ATP23: variants seen among roughly 807,000 people sequenced by gnomAD.
The protein encoded by ATP23 is mitochondrial inner membrane protease ATP23 homolog.
A neutral mutation model predicts 28.5 loss-of-function variants in ATP23; 24 were observed. The ratio of observed to expected loss-of-function variants is 0.84; its 90% CI spans 0.61 to 1.18. The LOEUF (loss-of-function observed/expected upper bound fraction) is 1.18. Among genes scored for constraint, ATP23 ranks in the 50% most tolerant of loss-of-function variants. The pLI is 0.00. For synonymous variants in ATP23, 99 were observed against 108.6 expected (o/e 0.91, Z 0.55); for missense variants, 274 against 306.4 (o/e 0.89, Z 0.79).
chr12:57,947,210 T>A (rs990192252), intron 3 of ATP23, 134 bp downstream of exon 3: 4 of 753,402 alleles, frequency 5.3e-6, no homozygotes, highest in African/African-American at 1.8e-5. Flanking sequence ...TTATCCTTAC[T>A]CTAAGGAGTT....
intron 2 of ATP23, 133 bp downstream of exon 2, chr12:57,945,806 T>A: frequency 5.3e-6 from 4 of 750,758 alleles, no homozygotes; most frequent in Non-Finnish European, 9.0e-6. Context: ...ATAGAGGTAA[T>A]TGGCTGCATT....
rs1158562543 is a variant in ATP23 at position 57,956,758 on chromosome 12, G to A, written c.609G>A (p.Lys203=). ...ATATCAGCAAAGAAGTAGCTAAAAAGGCTGTTGATGAAGTTTTTGAATCTT... is the reference window on the plus strand; with the variant it reads ...ATATCAGCAAAGAAGTAGCTAAAAAAGCTGTTGATGAAGTTTTTGAATCTT... ...VRNISKEVAK[K]AVDEVFESCF... is the part of the protein sequence containing the mutation. Residue 203 remains lysine, a synonymous_variant, in exon 6 of 6, where the codon AAG becomes AAA. Transcript: ENST00000300145. 5.0e-6 allele frequency: 8 copies of A among 1,613,968 alleles called. No individual in the cohort carries two copies. Among genetic ancestry groups the A allele is most frequent in the Non-Finnish European group, 6.8e-6 (8 of 1,179,948 alleles).
At chr12:57,947,162 T>C in intron 3 of ATP23, 86 bp downstream of exon 3, 1 of 1,271,212 alleles carries the variant, frequency 7.9e-7, no homozygotes, top group Non-Finnish European at 1.1e-6. Context: ...CGGCATTCTG[T>C]TTGGTAGACT....
Position 57,958,827 on chromosome 12 carries a change from T to A in ATP23, c.*1937T>A, listed in dbSNP as rs1334154194. ...CCTGGTAATATGACAAAACAAAAGC[T>A]CTTTAACACCCACAAAAAAATCACA... is the stretch of plus-strand genomic sequence containing the variant. On this transcript the variant is annotated 3_prime_UTR_variant, in exon 6 of 6. Transcript: ENST00000300145. 1.3e-5 allele frequency among the ~76,000 whole-genome samples: 2 copies of A among 151,912 alleles called. No homozygotes were observed. The highest frequency in any genetic ancestry group is 1.3e-4 in the Admixed American group (2 of 15,260).
At position 57,941,726 on chromosome 12, in the gene ATP23, C is replaced by G. The variant is rs768074230; in HGVS notation, c.25C>G (p.Arg9Gly). The G allele has an allele frequency of 4.4e-6, 7 of 1,599,418 alleles. No homozygotes were observed. In the South Asian group the frequency reaches 6.7e-5, roughly 15 times the overall value. ...CATGGCGGGAGCTCCGGACGAGCGC[C>G]GGCGGGGCCCCGCGGCAGGGGAGCA... MAGAPDER[R>G]RGPAAGEQLQ... The change falls in exon 1 of 6, where the codon CGG becomes GGG. Residue 9 changes from arginine to glycine, a missense_variant. By Grantham distance (125) the Arg-to-Gly change is moderately radical. Coordinates refer to ENST00000300145, the MANE Select transcript of ATP23 (RefSeq NM_033276.4).
Position 57,956,735 on chromosome 12 carries a change from A to G in ATP23, c.586A>G (p.Ile196Val). The G allele has an allele frequency of 1.2e-6, 2 of 1,614,052 alleles. No homozygotes were observed. Among genetic ancestry groups the G allele is most frequent in the Non-Finnish European group, 1.7e-6 (2 of 1,179,972 alleles). Reference protein sequence around the residue: ...ATLSILAVRNISKEVAKKAVD... With the variant: ...ATLSILAVRNVSKEVAKKAVD... ...TCTTTCTATCCTGGCTGTTAGGAAT[A>G]TCAGCAAAGAAGTAGCTAAAAAGGC... is the stretch of plus-strand genomic sequence containing the variant. The change falls in exon 6 of 6, where the codon ATC (isoleucine) becomes GTC (valine). Residue 196 changes from isoleucine to valine, a missense_variant. Coordinates refer to ENST00000300145, the MANE Select transcript of ATP23 (RefSeq NM_033276.4).
chr12:57,942,671 C>T (rs1330258704), intron 1 of ATP23, among the ~76,000 whole-genome samples: 1 of 152,130 alleles, frequency 6.6e-6, no homozygotes, highest in Non-Finnish European at 1.5e-5. Context: ...GATCTGCCTG[C>T]CTCGGCCTCC....
chr12:57,953,238 A>G lies in ATP23; in HGVS notation c.454-368A>G, dbSNP rs149939708. Reference sequence around the variant, plus strand: ...TCTTGAAGTACTTTTGGCAATTTCTACAAGTATTTGTATCTTGTAGAGTGT... The same window carrying G: ...TCTTGAAGTACTTTTGGCAATTTCTGCAAGTATTTGTATCTTGTAGAGTGT... On this transcript the variant is annotated intron_variant, in intron 4 of 5. Coordinates refer to ENST00000300145, the MANE Select transcript of ATP23 (RefSeq NM_033276.4). Among the ~76,000 whole-genome samples the G allele has an allele frequency of 5.5e-3, 831 of 152,344 alleles. 8 individuals are homozygous for G. Among genetic ancestry groups the G allele is most frequent in the African/African-American group, 0.017 (700 of 41,582 alleles).
chr12:57,946,348 G>A (rs1002535736), intron 2 of ATP23, among the ~76,000 whole-genome samples: 1 of 152,034 alleles, frequency 6.6e-6, no homozygotes, highest in African/African-American at 2.4e-5. Context: ...ACTTTGAGGG[G>A]TTTAAAGGAA....
At chr12:57,944,514 C>G (rs1208600043) in intron 1 of ATP23, among the ~76,000 whole-genome samples, 1 of 152,194 alleles carries the variant, frequency 6.6e-6, no homozygotes, top group Non-Finnish European at 1.5e-5. Context: ...GCCTCCCCGT[C>G]CCCTTACAGG....
At chr12:57,950,847 A>G (rs1383843364) in intron 3 of ATP23, among the ~76,000 whole-genome samples, 1 of 152,186 alleles carries the variant, frequency 6.6e-6, no homozygotes, top group Admixed American at 6.5e-5. Context: ...TATGCTCATG[A>G]CAACCTGGGT....
intron 2 of ATP23, among the ~76,000 whole-genome samples, chr12:57,946,527 G>A (rs910538510): frequency 4.2e-5 from 6 of 142,686 alleles, no homozygotes; most frequent in African/African-American, 1.3e-4. Flanking sequence ...GCACGATCTC[G>A]GCTCACCGCA....
rs1259669465 is a variant in ATP23, at chr12:57,952,493, G to T, written c.453+598G>T. On this transcript the variant is annotated intron_variant, in intron 4 of 5. Coordinates refer to ENST00000300145, the MANE Select transcript of ATP23 (RefSeq NM_033276.4). Reference sequence around the variant, plus strand: ...TCTTTTCAAAAATACAACATAAAAAGATATTTATTACTAAGCACGTTGGAT... The same window carrying T: ...TCTTTTCAAAAATACAACATAAAAATATATTTATTACTAAGCACGTTGGAT... Among the ~76,000 whole-genome samples, 3 of 152,150 alleles carry T rather than the reference G, an allele frequency of 2.0e-5. No individual in the cohort carries two copies. The East Asian group carries it at 5.8e-4, about 29-fold the overall frequency.
At chr12:57,955,257 G>T (rs1592281074) in intron 5 of ATP23, among the ~76,000 whole-genome samples, 3 of 145,002 alleles carry the variant, frequency 2.1e-5, no homozygotes, top group South Asian at 2.2e-4. Context: ...AAAATCAGTT[G>T]ATATACTAAA....
chr12:57,956,612 CATT>C, intron 5 of ATP23, 72 bp from the exon 6 acceptor site: 1 of 1,078,976 alleles, frequency 9.3e-7, no homozygotes, highest in Non-Finnish European at 1.3e-6. Flanking sequence ...TTAATTCAGA[CATT>C]AGATAAAATG....
intron 3 of ATP23, among the ~76,000 whole-genome samples, chr12:57,950,261 C>T (rs184330619): frequency 2.0e-5 from 3 of 152,220 alleles, no homozygotes; most frequent in Non-Finnish European, 4.4e-5. Context: ...AGGGATTTGG[C>T]CCCCCGACCT....
Position 57,947,060 on chromosome 12 carries a change from A to C in ATP23, c.299A>C (p.Asp100Ala). 2 of 1,614,044 alleles carry C rather than the reference A, an allele frequency of 1.2e-6. No homozygotes were observed. The highest frequency in any genetic ancestry group is 2.7e-5 in the African/African-American group (2 of 75,030). Residue 100 changes from aspartate to alanine, a missense_variant, in exon 3 of 6, where the codon GAT becomes GCT. Asp to Ala is a moderately radical substitution (Grantham distance 126). Transcript: ENST00000300145. ...AATGGAAATGTCAGTGGAGGTTTTG[A>C]TGCTTCAACATCTCAGGTAGGCATT... ...DCNGNVSGGFDASTSQIVLCQ... is the reference protein window; with the variant it reads ...DCNGNVSGGFAASTSQIVLCQ...
chr12:57,946,550 C>G (rs919127313), intron 2 of ATP23, among the ~76,000 whole-genome samples: 1 of 150,952 alleles, frequency 6.6e-6, no homozygotes, highest in Non-Finnish European at 1.5e-5. Context: ...CTCCGCCTCC[C>G]GGGTTCAAGA....
At position 57,956,718 on chromosome 12, in the gene ATP23, TC is replaced by T; in HGVS notation, c.571del (p.Leu191TrpfsTer10). 6.2e-7 allele frequency: 1 copy of T among 1,613,910 alleles called. No homozygotes were observed. The highest frequency in any genetic ancestry group is 8.5e-7 in the Non-Finnish European group (1 of 1,179,918). ...GTGCGAGACAGAGCCACTCTTTCTA[TC>T]CTGGCTGTTAGGAATATCAGCAAAG... ...TCVRDRATLS[I>X]LAVRNISKEV... On this transcript the variant is annotated frameshift_variant, in exon 6 of 6. Coordinates refer to ENST00000300145, the MANE Select transcript of ATP23 (RefSeq NM_033276.4). LOFTEE classifies it high-confidence loss of function.
Sources: allele counts gnomAD v4.1 joint callset (sites outside exome capture counted in the v4.1 genomes callset), GRCh38; gene constraint gnomAD v4.1.1; transcripts MANE v1.5; gene names NCBI Gene and HGNC (gene_info 2026-07-23, HGNC 2026-07-21).